The following KIF1A variants were observed in gnomAD, a reference collection of about 807,000 sequenced individuals.
KIF1A encodes kinesin-like protein KIF1A.
KIF1A carries 46 observed loss-of-function variants against 227.3 expected under a neutral mutation model. The observed-to-expected ratio is 0.20, with a 90% confidence interval of 0.16 to 0.26. The LOEUF is 0.26. KIF1A is among the 10% of genes least tolerant of loss of function. The pLI is 1.00. For missense variants in KIF1A, 1,683 were observed against 2,485.9 expected (o/e 0.68, Z 6.87); for synonymous variants, 1,022 against 1,012.8 (o/e 1.01, Z -0.17).
rs2056003881 is a variant in KIF1A, at chr2:240,793,536, AG to A, written c.106+4110del. Among the ~76,000 whole-genome samples the A allele has an allele frequency of 6.6e-6, 1 of 152,076 alleles. No homozygotes were observed. The highest frequency in any genetic ancestry group is 2.4e-5 in the African/African-American group (1 of 41,424). ...AGGGCCCTCACGTCCTCCGGTCCTCAGGGCAGAGAATGTGAGGAGAGAGGAG... is the reference window on the plus strand; with the variant it reads ...AGGGCCCTCACGTCCTCCGGTCCTCAGGCAGAGAATGTGAGGAGAGAGGAG... On this transcript the variant is annotated intron_variant, in intron 2 of 48. Transcript: ENST00000498729. This position sits in a 1 kb window ranked among gnomAD's most constrained non-coding sequence, Gnocchi z 4.8.
intron 27 of KIF1A, among the ~76,000 whole-genome samples, chr2:240,755,205 G>A (rs2049697121): frequency 6.6e-6 from 1 of 152,220 alleles, no homozygotes; most frequent in Non-Finnish European, 1.5e-5. Context: ...GCTGACCCTG[G>A]CCTTGGGTGA....
At chr2:240,723,186 TCC>T (rs2045615880) in intron 42 of KIF1A, among the ~76,000 whole-genome samples, 1 of 152,180 alleles carries the variant, frequency 6.6e-6, no homozygotes, top group South Asian at 2.1e-4. Context: ...CTCGGCTAAT[TCC>T]AGAGCATGCC....
Position 240,767,297 on chromosome 2 carries a change from G to A in KIF1A, c.1546C>T (p.Leu516=), listed in dbSNP as rs1575595906. The part of the protein sequence containing the change: ...LNEDPLMSEC[L]LYYIKDGITR... ...ATCCCATCCTTGATGTAGTAGAGCA[G>A]GCACTCAGACATCAGCGGGTCCTCG... The change falls in exon 18 of 49, where the codon CTG becomes TTG. Residue 516 remains leucine (L), a synonymous_variant. Coordinates refer to ENST00000498729, the MANE Select transcript of KIF1A (RefSeq NM_001244008.2). 5 of 1,613,704 alleles carry A rather than the reference G, an allele frequency of 3.1e-6. No individual in the cohort carries two copies. Among genetic ancestry groups the A allele is most frequent in the African/African-American group, 2.7e-5 (2 of 75,054 alleles).
At position 240,723,549 on chromosome 2, in the gene KIF1A, C is replaced by T. The variant is rs1288987129; in HGVS notation, c.4328G>A (p.Arg1443His). 4 of 1,535,834 alleles carry T rather than the reference C, an allele frequency of 2.6e-6. No homozygotes were observed. Among genetic ancestry groups the T allele is most frequent in the Non-Finnish European group, 1.8e-6 (2 of 1,135,556 alleles). ...VADAGSPGMQ[R>H]RRRRVLDTSV... Reference sequence around the variant, plus strand: ...TGTGTCCAGGACTCGTCGGCGCCGGCGCTGCATCCCTGCATGGGGCACGTG... The same window carrying T: ...TGTGTCCAGGACTCGTCGGCGCCGGTGCTGCATCCCTGCATGGGGCACGTG... Residue 1443 changes from arginine (R) to histidine (H), a missense_variant, in exon 42 of 49, where the codon CGC becomes CAC. Coordinates refer to ENST00000498729, the MANE Select transcript of KIF1A (RefSeq NM_001244008.2).
intron 29 of KIF1A, 23 bp from the exon 30 acceptor site, chr2:240,746,200 C>G: frequency 6.4e-7 from 1 of 1,551,772 alleles, no homozygotes. Context: ...GGACCAGAGT[C>G]AGAGAGAGCC....
intron 46 of KIF1A, 111 bp from the exon 47 acceptor site, chr2:240,719,309 C>A (rs2044975291): frequency 7.9e-7 from 1 of 1,266,894 alleles, no homozygotes; most frequent in Non-Finnish European, 1.1e-6. Flanking sequence ...ACCACCTCCC[C>A]AGCCAGAAAG....
At chr2:240,743,069 G>T in intron 33 of KIF1A, 85 bp from the exon 34 acceptor site, 1 of 1,111,448 alleles carries the variant, frequency 9.0e-7, no homozygotes. Flanking sequence ...CAGGCCCCAG[G>T]TGCCCATCCC....
At chr2:240,799,742 T>C (rs1312348045) in intron 1 of KIF1A, among the ~76,000 whole-genome samples, 1 of 152,204 alleles carries the variant, frequency 6.6e-6, no homozygotes, top group Non-Finnish European at 1.5e-5. Context: ...GCAAGGTTTC[T>C]AGGGAGCAAT....
At chr2:240,772,638 A>G in intron 13 of KIF1A, 42 bp from the exon 14 acceptor site, 1 of 1,476,668 alleles carries the variant, frequency 6.8e-7, no homozygotes, top group Admixed American at 2.0e-5. Context: ...GAGACAGAGA[A>G]ACAGAAGAAC....
At chr2:240,760,545 G>C (rs1215826085) in intron 25 of KIF1A, 120 bp downstream of exon 25, 1 of 652,084 alleles carries the variant, frequency 1.5e-6, no homozygotes, top group Non-Finnish European at 2.4e-6. Flanking sequence ...AATTGGAACA[G>C]GAGGAACAGC....
rs550883040 is a variant in KIF1A, at chr2:240,769,106, G to A, written c.1497+27C>T. ...ACCTGGTCCTGTTCAGATGAGGGCA[G>A]TACCACAGAACTGAGATAGCTCCTA... On this transcript the variant is annotated intron_variant, in intron 17 of 48. Coordinates refer to ENST00000498729, the MANE Select transcript of KIF1A (RefSeq NM_001244008.2). 4 of 1,585,252 alleles carry A rather than the reference G, an allele frequency of 2.5e-6. No individual in the cohort carries two copies. The African/African-American group carries it at 4.0e-5, about 16-fold the overall frequency.
chr2:240,771,287 A>G (rs2051944812), intron 14 of KIF1A, 183 bp from the exon 15 acceptor site: 1 of 733,572 alleles, frequency 1.4e-6, no homozygotes, highest in South Asian at 1.6e-5. Flanking sequence ...AGAAACAGAA[A>G]CCATCAACGA....
intron 38 of KIF1A, among the ~76,000 whole-genome samples, chr2:240,729,601 G>A (rs1428400513): frequency 1.3e-5 from 2 of 152,236 alleles, no homozygotes; most frequent in African/African-American, 4.8e-5. Context: ...CTCTGCTGGA[G>A]CCAGGCCTGG....
rs2052660579 is a variant in KIF1A, at chr2:240,775,878, A to G, written c.931T>C (p.Leu311=). ...AGGTTTTCCCGGAGGAGCCAGGTCAACACGGAATCTCGGTACGGAATGAAA... is the reference window on the plus strand; with the variant it reads ...AGGTTTTCCCGGAGGAGCCAGGTCAGCACGGAATCTCGGTACGGAATGAAA... ...TDFIPYRDSV[L]TWLLRENLGG... The change falls in exon 11 of 49, where the codon TTG becomes CTG. Residue 311 remains leucine (L), a synonymous_variant. Coordinates refer to ENST00000498729, the MANE Select transcript of KIF1A (RefSeq NM_001244008.2). This position sits in a 1 kb window ranked among gnomAD's most constrained non-coding sequence, Gnocchi z 5.5. 3.7e-6 allele frequency: 6 copies of G among 1,612,554 alleles called. No individual in the cohort carries two copies. The highest frequency in any genetic ancestry group is 5.1e-6 in the Non-Finnish European group (6 of 1,178,538).
Position 240,789,730 on chromosome 2 carries a change from C to G in KIF1A, c.107-418G>C, listed in dbSNP as rs2126101553. Among the ~76,000 whole-genome samples the G allele has an allele frequency of 6.6e-6, 1 of 152,284 alleles. No homozygotes were observed. The highest frequency in any genetic ancestry group is 1.9e-4 in the East Asian group (1 of 5,168). On this transcript the variant is annotated intron_variant, in intron 2 of 48. Coordinates refer to ENST00000498729, the MANE Select transcript of KIF1A (RefSeq NM_001244008.2). The surrounding 1 kb of genome is among the most constrained non-coding windows in gnomAD (Gnocchi z 4.8). ...TATGCTCCGGCTCAGCGTGCACGTG[C>G]CCGAGAAGCGCTGGAAGCCTGGGCG... is the stretch of plus-strand genomic sequence containing the variant.
rs1336082423 is a variant in KIF1A, at chr2:240,766,247, A to G, written c.1685-454T>C. Among the ~76,000 whole-genome samples, 1 of 152,232 alleles carries G rather than the reference A, an allele frequency of 6.6e-6. No individual in the cohort carries two copies. The highest frequency in any genetic ancestry group is 1.5e-5 in the Non-Finnish European group (1 of 68,038). ...AAGTTGGACAGTGGGTGTCAGTCACAGGTCTGCAGGCCAGAGGCTGGCTGG... is the reference window on the plus strand; with the variant it reads ...AAGTTGGACAGTGGGTGTCAGTCACGGGTCTGCAGGCCAGAGGCTGGCTGG... On this transcript the variant is annotated intron_variant, in intron 19 of 48. Transcript: ENST00000498729. The surrounding 1 kb of genome is among the most constrained non-coding windows in gnomAD (Gnocchi z 5.0).
Position 240,734,795 on chromosome 2 carries a change from G to A in KIF1A, c.4007+2268C>T, listed in dbSNP as rs572974656. The A allele has an allele frequency of 1.9e-3, 2,409 of 1,293,368 alleles. 5 individuals carry two copies. Among genetic ancestry groups the A allele is most frequent in the South Asian group, 2.6e-3 (210 of 80,794 alleles). The allele number at this position is 1,293,368 out of a possible 1,614,324, so 80.1% of individuals were successfully genotyped here. On this transcript the variant is annotated intron_variant, in intron 38 of 48. Coordinates refer to ENST00000498729, the MANE Select transcript of KIF1A (RefSeq NM_001244008.2). ...GTTAGTGAGGGCCGGGCAGCGCAGC[G>A]GGAGCGGGGTGGGGGACAGGCAGAG...
At chr2:240,720,437 GA>G (rs1324791989) in intron 45 of KIF1A, among the ~76,000 whole-genome samples, 1 of 152,194 alleles carries the variant, frequency 6.6e-6, no homozygotes, top group Non-Finnish European at 1.5e-5. Flanking sequence ...TTATTTAAAT[GA>G]AAATCTGGAA....
chr2:240,723,057 A>T (rs1227263429), intron 42 of KIF1A, among the ~76,000 whole-genome samples: 1 of 152,192 alleles, frequency 6.6e-6, no homozygotes, highest in African/African-American at 2.4e-5. Flanking sequence ...ACTCGGCCCG[A>T]GGCAGTGCCT....
Sources: gnomAD v4.1 joint callset for allele counts (sites outside exome capture counted in the v4.1 genomes callset) on GRCh38, gnomAD v4.1.1 for gene constraint, Gnocchi (gnomAD v3.1) non-coding constraint, MANE v1.5 for transcripts, NCBI Gene and HGNC (gene_info 2026-07-23, HGNC 2026-07-21) for gene names.